KCNN2: variants seen among roughly 807,000 people sequenced by gnomAD.
The protein encoded by KCNN2 is small conductance calcium-activated potassium channel protein 2.
Under a neutral mutation model 55.5 loss-of-function variants are expected in KCNN2, and 24 were observed. The ratio of observed to expected loss-of-function variants is 0.43; its 90% CI spans 0.31 to 0.61. KCNN2 has a LOEUF of 0.61. Ranked by LOEUF, KCNN2 falls within the 20% of genes least tolerant of loss-of-function variation. The pLI is 0.08. For synonymous variants in KCNN2, 431 were observed against 336.1 expected (o/e 1.28, Z -3.09); for missense variants, 754 against 853.6 (o/e 0.88, Z 1.45).
At chr5:114,106,640 G>GTTT (rs1352770725) in intron 1 of KCNN2, among the ~76,000 whole-genome samples, 8 of 92,770 alleles carry the variant, frequency 8.6e-5, no homozygotes, top group Admixed American at 2.0e-4. Flanking sequence ...GGATTTTCCA[G>GTTT]TTGTTTTTTT....
intron 3 of KCNN2, among the ~76,000 whole-genome samples, chr5:114,449,875 A>AACACACAC (rs1561390786): frequency 1.7e-5 from 1 of 57,270 alleles, no homozygotes; most frequent in African/African-American, 6.3e-5. Context: ...TAAGCATCCA[A>AACACACAC]ACATACACAC....
In KCNN2 at chr5:114,404,517, T is replaced by A; in HGVS notation, c.1298T>A (p.Ile433Lys). Reference sequence around the variant, plus strand: ...CGTATTTTCTTCATCTGCTTGGAAATACTGGTGTGTGCTATTCATCCCATA... The same window carrying A: ...CGTATTTTCTTCATCTGCTTGGAAAAACTGGTGTGTGCTATTCATCCCATA... Reference protein sequence around the residue: ...YERIFFICLEILVCAIHPIPG... With the variant: ...YERIFFICLEKLVCAIHPIPG... The change falls in exon 3 of 8, where the codon ATA becomes AAA. Residue 433 changes from isoleucine (I) to lysine (K), a missense_variant. Ile to Lys is a moderately radical substitution (Grantham distance 102). Transcript: ENST00000673685. 1.2e-6 allele frequency: 2 copies of A among 1,613,656 alleles called. No individual in the cohort carries two copies. Among genetic ancestry groups the A allele is most frequent in the Non-Finnish European group, 1.7e-6 (2 of 1,179,896 alleles).
chr5:114,288,649 T>C (rs2150016439), intron 2 of KCNN2, among the ~76,000 whole-genome samples: 1 of 152,208 alleles, frequency 6.6e-6, no homozygotes, highest in East Asian at 1.9e-4. Flanking sequence ...CATGTGCTTG[T>C]TGTCAATCGT....
At chr5:114,266,576 C>G (rs1427244679) in intron 2 of KCNN2, among the ~76,000 whole-genome samples, 1 of 152,208 alleles carries the variant, frequency 6.6e-6, no homozygotes, top group Admixed American at 6.5e-5. Context: ...TTGGGCAGCC[C>G]TGCTCCTAGC....
chr5:114,328,980 A>G (rs1031065983), intron 2 of KCNN2, among the ~76,000 whole-genome samples: 14 of 152,124 alleles, frequency 9.2e-5, no homozygotes, highest in Admixed American at 7.2e-4. Flanking sequence ...TTCTCTGTTC[A>G]TGACTGTCCT....
intron 5 of KCNN2, among the ~76,000 whole-genome samples, chr5:114,485,703 T>C (rs1425947599): frequency 1.3e-5 from 2 of 152,140 alleles, no homozygotes; most frequent in African/African-American, 4.8e-5. Context: ...CTAATAGATA[T>C]CCAAAGGCAG....
At chr5:114,222,305 G>A (rs755887228) in intron 2 of KCNN2, among the ~76,000 whole-genome samples, 8 of 152,132 alleles carry the variant, frequency 5.3e-5, no homozygotes, top group South Asian at 2.1e-4. Flanking sequence ...GCATGGTATC[G>A]TTAGGCACAC....
At chr5:114,158,015 C>T (rs1752676967) in intron 1 of KCNN2, among the ~76,000 whole-genome samples, 1 of 152,040 alleles carries the variant, frequency 6.6e-6, no homozygotes, top group Non-Finnish European at 1.5e-5. Flanking sequence ...TAATTAGATC[C>T]CATTTGTCAA....
intron 3 of KCNN2, among the ~76,000 whole-genome samples, chr5:114,459,675 T>C (rs928431177): frequency 6.6e-6 from 1 of 152,176 alleles, no homozygotes; most frequent in Non-Finnish European, 1.5e-5. Context: ...GAGATGTCAT[T>C]TTTCTATTCT....
At chr5:114,380,440 A>G (rs1046670463) in intron 2 of KCNN2, among the ~76,000 whole-genome samples, 1 of 152,202 alleles carries the variant, frequency 6.6e-6, no homozygotes, top group East Asian at 1.9e-4. Context: ...AGAGCTACAG[A>G]GCATCAAAGA....
intron 2 of KCNN2, among the ~76,000 whole-genome samples, chr5:114,302,750 G>C (rs1248468304): frequency 6.6e-6 from 1 of 152,152 alleles, no homozygotes; most frequent in African/African-American, 2.4e-5. Context: ...ATTGCAAACA[G>C]TTTACAACCA....
chr5:114,184,769 T>C (rs185847242), intron 1 of KCNN2, among the ~76,000 whole-genome samples: 2 of 152,332 alleles, frequency 1.3e-5, no homozygotes, highest in African/African-American at 4.8e-5. Flanking sequence ...TGTTAGTTAA[T>C]TGCCCCCTTT....
intron 2 of KCNN2, among the ~76,000 whole-genome samples, chr5:114,394,515 G>A (rs994773412): frequency 6.6e-6 from 1 of 152,172 alleles, no homozygotes. Context: ...TGCATTAAAA[G>A]ATAAGATGCA....
At chr5:114,160,759 T>C (rs944953379) in intron 1 of KCNN2, among the ~76,000 whole-genome samples, 3 of 152,200 alleles carry the variant, frequency 2.0e-5, no homozygotes, top group African/African-American at 7.2e-5. Flanking sequence ...CATTATGTAA[T>C]GGCCTTCTTT....
chr5:114,364,041 T>A, intron 2 of KCNN2, 40 bp downstream of exon 2: 1 of 1,472,398 alleles, frequency 6.8e-7, no homozygotes, highest in Non-Finnish European at 9.5e-7. Context: ...CCCAAAGCCC[T>A]ACAGTCAGCC....
intron 6 of KCNN2, among the ~76,000 whole-genome samples, chr5:114,487,744 A>G (rs1230649914): frequency 3.3e-5 from 5 of 152,194 alleles, no homozygotes; most frequent in Non-Finnish European, 7.3e-5. Flanking sequence ...GTAACAATCT[A>G]TATCTAGTAA....
chr5:114,326,584 G>A (rs752215034), intron 2 of KCNN2, among the ~76,000 whole-genome samples: 7 of 152,108 alleles, frequency 4.6e-5, no homozygotes, highest in South Asian at 2.1e-4. Context: ...CTGAAAGCCC[G>A]TGAAAGACCA....
In KCNN2 at chr5:114,379,623, CAT is replaced by C. The variant is rs1358271413; in HGVS notation, c.1218+15625_1218+15626del. Among the ~76,000 whole-genome samples the C allele has an allele frequency of 5.6e-5, 5 of 88,748 alleles. 1 individual carries two copies. Among genetic ancestry groups the C allele is most frequent in the Admixed American group, 3.9e-4 (3 of 7,770 alleles). 58.2% of individuals were successfully genotyped at this position (88,748 alleles called of 152,430 possible). On this transcript the variant is annotated intron_variant, in intron 2 of 7. Coordinates refer to ENST00000673685, the MANE Select transcript of KCNN2 (RefSeq NM_021614.4). ...ATATATTTTAGAATATATTATATAA[CAT>C]ATTATATATTTGTAGAATATATTAT...
At chr5:114,208,561 A>G (rs1441614957) in intron 1 of KCNN2, among the ~76,000 whole-genome samples, 1 of 152,202 alleles carries the variant, frequency 6.6e-6, no homozygotes, top group Non-Finnish European at 1.5e-5. Context: ...GTGCATTAGG[A>G]TAACCTGGGA....
Sources: allele counts gnomAD v4.1 joint callset (sites outside exome capture counted in the v4.1 genomes callset), GRCh38; gene constraint gnomAD v4.1.1; transcripts MANE v1.5; gene names NCBI Gene and HGNC (gene_info 2026-07-23, HGNC 2026-07-21).